EFHC2: variants seen among roughly 807,000 people sequenced by gnomAD.
The protein encoded by EFHC2 is EF-hand domain-containing family member C2.
A neutral mutation model predicts 52.7 loss-of-function variants in EFHC2; 18 were observed. The ratio of observed to expected loss-of-function variants is 0.34; its 90% confidence interval spans 0.24 to 0.51. The LOEUF is 0.51. Among genes scored for constraint, EFHC2 ranks in the 20% least tolerant of loss-of-function variants. The pLI is 0.97. For synonymous variants in EFHC2, 203 were observed against 204.1 expected, an observed-to-expected ratio of 0.99 and a Z score of 0.04; for missense variants, 513 against 562.5, an observed-to-expected ratio of 0.91 and a Z score of 0.89.
intron 1 of EFHC2, among the ~76,000 whole-genome samples, chrX:44,313,182 T>C (rs1451382387): frequency 9.0e-6 from 1 of 111,050 alleles, no homozygotes; most frequent in East Asian, 2.8e-4. Context: ...CACAGAAGTC[T>C]AAACATTATT....
chrX:44,163,828 A>G, intron 14 of EFHC2, 94 bp downstream of exon 14: 2 of 634,935 alleles, frequency 3.1e-6, no homozygotes, highest in Admixed American at 5.8e-5. Context: ...ACTGATGTTA[A>G]TATTTTATAA....
chrX:44,325,098 T>C (rs2038044082), intron 1 of EFHC2, among the ~76,000 whole-genome samples: 1 of 111,593 alleles, frequency 9.0e-6, no homozygotes, highest in South Asian at 3.7e-4. Flanking sequence ...TTTTGCACTA[T>C]TAGAGTATTA....
intron 7 of EFHC2, among the ~76,000 whole-genome samples, chrX:44,246,096 G>A (rs1013288846): frequency 1.3e-4 from 14 of 111,925 alleles, no homozygotes; most frequent in African/African-American, 4.6e-4. Context: ...GGGTTTTAAG[G>A]ATACCAAAAC....
Position 44,330,892 on chromosome X carries a change from G to A in EFHC2, c.42+12655C>T, listed in dbSNP as rs1381964230. Among the ~76,000 whole-genome samples, 6 of 111,590 alleles carry A rather than the reference G, an allele frequency of 5.4e-5. 1 individual carries two copies. The highest frequency in any genetic ancestry group is 7.4e-4 in the South Asian group (2 of 2,715). ...TAAAAATAGTGATAACACTAAATGC[G>A]GACCAGGGTGCAAAGAAACTAGATC... On this transcript the variant is annotated intron_variant, in intron 1 of 14. Coordinates refer to ENST00000420999, the MANE Select transcript of EFHC2 (RefSeq NM_025184.4).
chrX:44,232,253 C>T (rs377512009), intron 10 of EFHC2, among the ~76,000 whole-genome samples: 70 of 112,240 alleles, frequency 6.2e-4, no homozygotes, highest in African/African-American at 1.9e-3. Context: ...GCCTGGAATC[C>T]GTGATGCTGG....
intron 11 of EFHC2, among the ~76,000 whole-genome samples, chrX:44,227,817 G>A: frequency 8.9e-6 from 1 of 111,845 alleles, no homozygotes. Context: ...AAGCCCCTCT[G>A]GGAGTTGGCA....
chrX:44,284,245 C>T (rs186560881), intron 2 of EFHC2: 2 of 112,053 alleles, frequency 1.8e-5, no homozygotes, highest in African/African-American at 6.5e-5. Context: ...TCCTTTCGTC[C>T]TTGTGATCCC....
At chrX:44,174,023 C>T (rs1413336811) in intron 13 of EFHC2, among the ~76,000 whole-genome samples, 1 of 112,143 alleles carries the variant, frequency 8.9e-6, no homozygotes, top group African/African-American at 3.2e-5. Context: ...TGTTGAAAAA[C>T]ATGGCTTCCT....
intron 14 of EFHC2, among the ~76,000 whole-genome samples, chrX:44,163,134 T>C (rs951392372): frequency 1.8e-5 from 2 of 112,275 alleles, no homozygotes; most frequent in African/African-American, 6.5e-5. Context: ...TTGGAGTAGC[T>C]GCATGCCTGA....
At chrX:44,251,065 C>T (rs1248008396) in intron 4 of EFHC2, among the ~76,000 whole-genome samples, 3 of 103,750 alleles carry the variant, frequency 2.9e-5, no homozygotes, top group Non-Finnish European at 3.9e-5. Flanking sequence ...GGTGAAACCC[C>T]GTCTCTACTA....
intron 13 of EFHC2, among the ~76,000 whole-genome samples, chrX:44,168,503 G>A (rs1261242783): frequency 9.2e-6 from 1 of 108,720 alleles, no homozygotes; most frequent in Non-Finnish European, 1.9e-5. Context: ...CTACACTCCG[G>A]CCTGGGCGAC....
intron 1 of EFHC2, among the ~76,000 whole-genome samples, chrX:44,331,219 C>T (rs7887312): frequency 0.3 from 32,897 of 111,256 alleles, 3,723 homozygotes; most frequent in South Asian, 0.46. Context: ...AGTTGATATA[C>T]GCAACCACCT....
chrX:44,287,837 G>A (rs900116788), intron 2 of EFHC2, among the ~76,000 whole-genome samples: 4 of 111,900 alleles, frequency 3.6e-5, no homozygotes, highest in African/African-American at 1.3e-4. Context: ...CCTGAACCTT[G>A]GCAGTCCTTT....
At chrX:44,340,280 G>C (rs2038143922) in intron 1 of EFHC2, among the ~76,000 whole-genome samples, 1 of 111,313 alleles carries the variant, frequency 9.0e-6, no homozygotes, top group Non-Finnish European at 1.9e-5. Context: ...AAATCACTAA[G>C]AAATAGGCAG....
chrX:44,270,341 T>C (rs913734474), intron 3 of EFHC2, among the ~76,000 whole-genome samples: 4 of 111,673 alleles, frequency 3.6e-5, no homozygotes, highest in African/African-American at 1.3e-4. Context: ...CTTAATGAGG[T>C]TGCATGACAA....
At chrX:44,182,133 A>T (rs2036840633) in intron 11 of EFHC2, among the ~76,000 whole-genome samples, 1 of 111,355 alleles carries the variant, frequency 9.0e-6, no homozygotes, top group Admixed American at 9.6e-5. Flanking sequence ...ATCTCTACAG[A>T]TTTGCCAGCT....
intron 11 of EFHC2, among the ~76,000 whole-genome samples, chrX:44,199,435 C>CA (rs200585811): frequency 1.8e-4 from 20 of 111,506 alleles, no homozygotes; most frequent in East Asian, 1.1e-3. Context: ...TCCTTTATAA[C>CA]AAAAAAAATT....
chrX:44,178,658 C>T, intron 11 of EFHC2, 94 bp from the exon 12 acceptor site: 1 of 784,383 alleles, frequency 1.3e-6, no homozygotes, highest in East Asian at 3.6e-5. Flanking sequence ...TTCCATTTTA[C>T]AAAACTTTTA....
chrX:44,261,754 C>CAAAAA (rs769527844), intron 3 of EFHC2, among the ~76,000 whole-genome samples: 3 of 32,480 alleles, frequency 9.2e-5, no homozygotes, highest in Non-Finnish European at 1.2e-4. Context: ...ACTCATGGCT[C>CAAAAA]AAAAAAAAAA....
Sources: gnomAD v4.1 joint callset for allele counts (sites outside exome capture counted in the v4.1 genomes callset) on GRCh38, gnomAD v4.1.1 for gene constraint, MANE v1.5 for transcripts, NCBI Gene and HGNC (gene_info 2026-07-23, HGNC 2026-07-21) for gene names.